SLC9C2: variants seen among roughly 807,000 people sequenced by gnomAD.
SLC9C2 encodes sodium/hydrogen exchanger 11.
A neutral mutation model predicts 140.2 loss-of-function variants in SLC9C2; 75 were observed. That is an observed-to-expected ratio of 0.53 (90% CI 0.44 to 0.65). The LOEUF (loss-of-function observed/expected upper bound fraction) is 0.65, where lower values mean the gene tolerates loss of function less well. SLC9C2 is among the 30% of genes least tolerant of loss of function. The pLI, the probability that SLC9C2 is intolerant of heterozygous loss-of-function variation, is 0.00. For synonymous variants in SLC9C2, 375 were observed against 420.9 expected (o/e 0.89, Z 1.34); for missense variants, 1,074 against 1,331.8 (o/e 0.81, Z 3.01).
chr1:173,599,751 G>A (rs1666671660), intron 3 of SLC9C2, among the ~76,000 whole-genome samples: 1 of 151,912 alleles, frequency 6.6e-6, no homozygotes, highest in Non-Finnish European at 1.5e-5. Context: ...TTACAGGCAT[G>A]GGCCACCCCT....
chr1:173,544,841 A>C (rs532047999), intron 13 of SLC9C2, among the ~76,000 whole-genome samples: 13 of 152,256 alleles, frequency 8.5e-5, no homozygotes, highest in Non-Finnish European at 1.9e-4. Context: ...GGAACATCAC[A>C]CACCAGGGCC....
chr1:173,551,021 G>A (rs1041712223), intron 11 of SLC9C2, among the ~76,000 whole-genome samples: 3 of 151,986 alleles, frequency 2.0e-5, no homozygotes, highest in African/African-American at 7.3e-5. Flanking sequence ...CTCAAACATT[G>A]GAGCCCTTTG....
chr1:173,537,353 G>A (rs1299102858), intron 13 of SLC9C2, among the ~76,000 whole-genome samples: 2 of 152,092 alleles, frequency 1.3e-5, no homozygotes, highest in Non-Finnish European at 2.9e-5. Context: ...TTGAGTCCAG[G>A]AGTTCAAGAC....
At chr1:173,523,912 G>GA in intron 21 of SLC9C2, 57 bp downstream of exon 21, 7 of 1,561,298 alleles carry the variant, frequency 4.5e-6, no homozygotes, top group South Asian at 1.2e-5. Flanking sequence ...TTAGGGAGTG[G>GA]AAAAAAATGG....
intron 5 of SLC9C2, 122 bp from the exon 6 acceptor site, chr1:173,583,744 G>A (rs1571615237): frequency 3.5e-6 from 2 of 571,044 alleles, no homozygotes; most frequent in East Asian, 5.7e-5. Context: ...AGGCAACTAT[G>A]ACTGGGATGG....
intron 13 of SLC9C2, among the ~76,000 whole-genome samples, chr1:173,540,252 C>A (rs917360745): frequency 6.6e-6 from 1 of 152,168 alleles, no homozygotes; most frequent in Admixed American, 6.6e-5. Flanking sequence ...GACCCTCCAA[C>A]CATAGCTGAT....
At chr1:173,507,800 G>A (rs1456471433) in intron 24 of SLC9C2, among the ~76,000 whole-genome samples, 1 of 152,178 alleles carries the variant, frequency 6.6e-6, no homozygotes. Context: ...CAGCCCCTCA[G>A]TAGGAGCCAA....
chr1:173,508,274 A>G (rs1157746645), intron 24 of SLC9C2, among the ~76,000 whole-genome samples: 2 of 152,150 alleles, frequency 1.3e-5, no homozygotes, highest in Admixed American at 6.5e-5. Context: ...AATGGAAAAA[A>G]AAAGAAAGAA....
chr1:173,572,329 G>A (rs1177002326), intron 9 of SLC9C2, among the ~76,000 whole-genome samples: 1 of 152,210 alleles, frequency 6.6e-6, no homozygotes, highest in Non-Finnish European at 1.5e-5. Flanking sequence ...CTGATGAGGT[G>A]GGGGATAGGG....
At chr1:173,594,959 G>A (rs2102264681) in intron 4 of SLC9C2, among the ~76,000 whole-genome samples, 1 of 152,250 alleles carries the variant, frequency 6.6e-6, no homozygotes, top group Admixed American at 6.5e-5. Context: ...GAGTGCAATG[G>A]CACAATCTTT....
chr1:173,529,967 T>C lies in SLC9C2; in HGVS notation c.2251A>G (p.Lys751Glu). 6.2e-7 allele frequency: 1 copy of C among 1,613,120 alleles called. No individual in the cohort carries two copies. ...AGAAGTTTGGCATCTTCTTGACTTT[T>C]GATATAGCCTTTTGTAATACTATAC... ...LMYSITKGYIKSQEDAKLLIK... is the reference protein window; with the variant it reads ...LMYSITKGYIESQEDAKLLIK... The change falls in exon 18 of 28, where the codon AAA (lysine) becomes GAA (glutamate). Residue 751 changes from lysine to glutamate, a missense_variant. By Grantham distance (56) the Lys-to-Glu change is moderately conservative. Coordinates refer to ENST00000367714, the MANE Select transcript of SLC9C2 (RefSeq NM_178527.4).
chr1:173,558,179 AT>A (rs777279496), intron 9 of SLC9C2, among the ~76,000 whole-genome samples: 3 of 152,204 alleles, frequency 2.0e-5, no homozygotes, highest in African/African-American at 4.8e-5. Context: ...TCAAAAAAAA[AT>A]ATTGTGTGTC....
intron 24 of SLC9C2, among the ~76,000 whole-genome samples, chr1:173,507,508 G>GCACACA (rs148480049): frequency 0.2 from 26,220 of 128,062 alleles, 3,326 homozygotes; most frequent in East Asian, 0.71. Context: ...GTTGAATTGT[G>GCACACA]CACACACACA....
At chr1:173,506,477 T>A (rs1034816624) in intron 25 of SLC9C2, among the ~76,000 whole-genome samples, 2 of 152,390 alleles carry the variant, frequency 1.3e-5, no homozygotes, top group South Asian at 4.1e-4. Flanking sequence ...ATGTGGCCCC[T>A]ACTCTACTCC....
intron 23 of SLC9C2, among the ~76,000 whole-genome samples, chr1:173,510,127 G>A (rs1207968028): frequency 2.0e-5 from 3 of 152,084 alleles, no homozygotes; most frequent in South Asian, 4.1e-4. Flanking sequence ...CAAGTTACAC[G>A]AACTTCAGTG....
rs1477753507 is a variant in SLC9C2 at position 173,503,247 on chromosome 1, A to G, written c.3371+19T>C. On this transcript the variant is annotated intron_variant, in intron 27 of 27. Coordinates refer to ENST00000367714, the MANE Select transcript of SLC9C2 (RefSeq NM_178527.4). The stretch of plus-strand genomic sequence containing the variant: ...TTTGCAATAAGAAAAAATTCTAATC[A>G]AAGTGTCAAGTTTATTACCTCATCT... The G allele has an allele frequency of 3.7e-6, 6 of 1,604,584 alleles. No individual in the cohort carries two copies. The highest frequency in any genetic ancestry group is 5.1e-6 in the Non-Finnish European group (6 of 1,173,884).
At chr1:173,529,362 TGGTTAGGAGA>T (rs1369416563) in intron 18 of SLC9C2, among the ~76,000 whole-genome samples, 2 of 152,120 alleles carry the variant, frequency 1.3e-5, no homozygotes, top group African/African-American at 4.8e-5. Flanking sequence ...CGAGGGAGCC[TGGTTAGGAGA>T]GGATTCACTC....
At chr1:173,594,364 A>G (rs1244424226) in intron 4 of SLC9C2, among the ~76,000 whole-genome samples, 2 of 152,362 alleles carry the variant, frequency 1.3e-5, no homozygotes, top group East Asian at 3.9e-4. Context: ...TATGCTAATT[A>G]CCCTGATCTG....
intron 6 of SLC9C2, among the ~76,000 whole-genome samples, chr1:173,583,024 C>G (rs137925802): frequency 3.3e-5 from 5 of 152,272 alleles, no homozygotes; most frequent in African/African-American, 4.8e-5. Flanking sequence ...TGTTCTTTCC[C>G]CCTTAATGTC....
Sources: allele counts gnomAD v4.1 joint callset (sites outside exome capture counted in the v4.1 genomes callset), GRCh38; gene constraint gnomAD v4.1.1; transcripts MANE v1.5; gene names NCBI Gene and HGNC (gene_info 2026-07-23, HGNC 2026-07-21).